Variants in PLCB4 observed in about 807,000 individuals in gnomAD.
The protein encoded by PLCB4 is phospholipase C beta 4.
PLCB4 carries 77 observed loss-of-function variants against 178.8 expected under a neutral mutation model. That is an observed-to-expected ratio of 0.43 (90% confidence interval 0.36 to 0.52). The LOEUF is 0.52. PLCB4 is among the 20% of genes least tolerant of loss of function. The probability of loss-of-function intolerance (pLI) is 0.00; values close to 1 mark genes in which losing one functional copy is unlikely to be tolerated. For synonymous variants in PLCB4, 496 were observed against 490.8 expected (o/e 1.01, Z -0.14); for missense variants, 1,024 against 1,453.4 (o/e 0.70, Z 4.80).
intron 18 of PLCB4, 35 bp downstream of exon 18, chr20:9,393,713 A>T: frequency 7.8e-7 from 1 of 1,280,556 alleles, no homozygotes; most frequent in Non-Finnish European, 1.1e-6. Flanking sequence ...ATGGAAGCAT[A>T]CATAACATGT....
In PLCB4 at chr20:9,098,741, ATG is replaced by A. The variant is rs35465129; in HGVS notation, c.-79+2421_-79+2422del. Among the ~76,000 whole-genome samples, 223 of 135,462 alleles carry A rather than the reference ATG, an allele frequency of 1.6e-3. 3 individuals carry two copies. The highest frequency in any genetic ancestry group is 2.6e-3 in the Non-Finnish European group (170 of 65,444). 88.9% of individuals were successfully genotyped at this position (135,462 alleles called of 152,430 possible). A position where few individuals can be genotyped will look rare whatever the true frequency, so the allele number is the denominator to read the frequency against. On this transcript the variant is annotated intron_variant, in intron 2 of 39. Coordinates refer to ENST00000378473, the MANE Select transcript of PLCB4 (RefSeq NM_001377142.1). ...CGTGTGTGTGTATATATATACATAT[ATG>A]TGTGTGTGTGTGTGTGTGTGTATAT...
intron 2 of PLCB4, among the ~76,000 whole-genome samples, chr20:9,131,548 C>T (rs1476099784): frequency 3.3e-5 from 5 of 152,100 alleles, no homozygotes; most frequent in African/African-American, 7.2e-5. Flanking sequence ...AAGGGACTAA[C>T]GTGTATGGTG....
At chr20:9,108,537 T>C in intron 2 of PLCB4, among the ~76,000 whole-genome samples, 1 of 151,978 alleles carries the variant, frequency 6.6e-6, no homozygotes, top group Non-Finnish European at 1.5e-5. Context: ...CAGCACAACA[T>C]GTCAGCTTGA....
chr20:9,329,605 A>G (rs1043762034), intron 4 of PLCB4, among the ~76,000 whole-genome samples: 1 of 152,156 alleles, frequency 6.6e-6, no homozygotes, highest in Non-Finnish European at 1.5e-5. Context: ...GGAAAGGTCT[A>G]TATTTAACAA....
intron 7 of PLCB4, among the ~76,000 whole-genome samples, chr20:9,340,175 G>A (rs1443388414): frequency 6.6e-6 from 1 of 152,098 alleles, no homozygotes; most frequent in Non-Finnish European, 1.5e-5. Context: ...GAGCTAACAG[G>A]AAATGTACAG....
At chr20:9,473,227 A>T in intron 37 of PLCB4, 52 bp from the exon 38 acceptor site, 1 of 1,169,910 alleles carries the variant, frequency 8.5e-7, no homozygotes, top group Non-Finnish European at 1.2e-6. Flanking sequence ...TCCCTGTTTT[A>T]AGATTGTAAC....
chr20:9,346,784 C>T (rs2033840873), intron 7 of PLCB4, among the ~76,000 whole-genome samples: 2 of 152,074 alleles, frequency 1.3e-5, no homozygotes, highest in Admixed American at 6.6e-5. Flanking sequence ...TTCTTTTTGC[C>T]AAATAAGGAT....
At chr20:9,204,973 A>T (rs2093598979) in intron 2 of PLCB4, among the ~76,000 whole-genome samples, 1 of 152,122 alleles carries the variant, frequency 6.6e-6, no homozygotes, top group Admixed American at 6.5e-5. Flanking sequence ...ATTATATTTT[A>T]AAATTCTATG....
chr20:9,159,922 C>T (rs1439824166), intron 2 of PLCB4, among the ~76,000 whole-genome samples: 2 of 152,168 alleles, frequency 1.3e-5, no homozygotes, highest in Non-Finnish European at 2.9e-5. Flanking sequence ...GTTCAGTGTG[C>T]TCGTGAACTT....
At chr20:9,157,370 G>T (rs2092809839) in intron 2 of PLCB4, among the ~76,000 whole-genome samples, 1 of 152,196 alleles carries the variant, frequency 6.6e-6, no homozygotes, top group Non-Finnish European at 1.5e-5. Flanking sequence ...TTCTTGGGAT[G>T]CTGCATGAAT....
intron 23 of PLCB4, 88 bp from the exon 24 acceptor site, chr20:9,408,969 G>T: frequency 8.6e-7 from 1 of 1,169,082 alleles, no homozygotes; most frequent in East Asian, 2.4e-5. Flanking sequence ...TGTCATTGTT[G>T]GCCTAGACCT....
chr20:9,171,288 T>C (rs1206996424), intron 2 of PLCB4, among the ~76,000 whole-genome samples: 1 of 152,204 alleles, frequency 6.6e-6, no homozygotes, highest in Non-Finnish European at 1.5e-5. Context: ...TATGTAGTGA[T>C]TTTCAAAGGT....
intron 36 of PLCB4, 150 bp downstream of exon 36, chr20:9,468,822 G>A: frequency 1.8e-6 from 1 of 544,996 alleles, no homozygotes; most frequent in East Asian, 2.9e-5. Flanking sequence ...CTGCAATGGA[G>A]ATTTGTTATT....
intron 8 of PLCB4, among the ~76,000 whole-genome samples, chr20:9,363,928 T>A (rs542572046): frequency 6.6e-6 from 1 of 152,330 alleles, no homozygotes; most frequent in East Asian, 1.9e-4. Context: ...TGGCAGGTGC[T>A]TACAGGTGTG....
At chr20:9,337,959 G>T (rs746928467) in intron 5 of PLCB4, 49 bp from the exon 6 acceptor site, 12 of 1,451,016 alleles carry the variant, frequency 8.3e-6, no homozygotes, top group Non-Finnish European at 1.2e-5. Flanking sequence ...CTGTATCATA[G>T]GTATGGCATA....
intron 27 of PLCB4, among the ~76,000 whole-genome samples, chr20:9,421,733 G>A (rs908182755): frequency 2.6e-5 from 4 of 152,256 alleles, no homozygotes; most frequent in Middle Eastern, 3.4e-3. Flanking sequence ...GTCCTTGCTG[G>A]TGGACACCAT....
At chr20:9,181,799 G>T (rs575234210) in intron 2 of PLCB4, among the ~76,000 whole-genome samples, 37 of 152,070 alleles carry the variant, frequency 2.4e-4, no homozygotes, top group African/African-American at 6.5e-4. Context: ...GGACACAAAT[G>T]TTCAGTCCCT....
intron 2 of PLCB4, among the ~76,000 whole-genome samples, chr20:9,162,133 G>A (rs2092898744): frequency 6.6e-6 from 1 of 152,166 alleles, no homozygotes; most frequent in African/African-American, 2.4e-5. Flanking sequence ...AATTGGCAGT[G>A]TTTATTAGAA....
At chr20:9,131,484 A>T (rs2092271493) in intron 2 of PLCB4, among the ~76,000 whole-genome samples, 1 of 152,150 alleles carries the variant, frequency 6.6e-6, no homozygotes, top group South Asian at 2.1e-4. Flanking sequence ...CTTTGAGTGC[A>T]GTTGGTGGTT....
Sources: allele counts gnomAD v4.1 joint callset (sites outside exome capture counted in the v4.1 genomes callset), GRCh38; gene constraint gnomAD v4.1.1; transcripts MANE v1.5; gene names NCBI Gene and HGNC (gene_info 2026-07-23, HGNC 2026-07-21).